THSD7B: variants seen among roughly 807,000 people sequenced by gnomAD.
THSD7B encodes the protein thrombospondin type-1 domain-containing protein 7B.
In THSD7B, 138 loss-of-function variants were observed where a neutral mutation model predicts 213.6. The ratio of observed to expected loss-of-function variants is 0.65; its 90% confidence interval spans 0.56 to 0.74. The LOEUF (loss-of-function observed/expected upper bound fraction) is 0.74, where lower values mean the gene tolerates loss of function less well. THSD7B is among the 30% of genes least tolerant of loss of function. The pLI is 0.00. For missense variants in THSD7B, 1,931 were observed against 1,991.5 expected (o/e 0.97, Z 0.58); for synonymous variants, 742 against 687.0 (o/e 1.08, Z -1.25).
chr2:137,316,734 G>A (rs1684115772), intron 12 of THSD7B, among the ~76,000 whole-genome samples: 1 of 148,552 alleles, frequency 6.7e-6, no homozygotes, highest in African/African-American at 2.5e-5. Flanking sequence ...CTCCAGCCTG[G>A]GCGACAGAGC....
At chr2:137,261,242 G>A (rs1211055857) in intron 10 of THSD7B, among the ~76,000 whole-genome samples, 1 of 144,066 alleles carries the variant, frequency 6.9e-6, no homozygotes, top group African/African-American at 2.5e-5. Context: ...GGGATGCTTA[G>A]GTGAGAGTGG....
At chr2:136,882,052 A>G (rs1394164086) in intron 1 of THSD7B, 92 bp from the exon 2 acceptor site, 3 of 1,045,598 alleles carry the variant, frequency 2.9e-6, no homozygotes, top group Admixed American at 3.9e-5. Context: ...AAAACTTGCA[A>G]TACCATCATA....
intron 12 of THSD7B, among the ~76,000 whole-genome samples, chr2:137,387,904 C>T (rs1377516812): frequency 6.6e-6 from 1 of 152,190 alleles, no homozygotes; most frequent in Non-Finnish European, 1.5e-5. Context: ...CTACTGTTAT[C>T]TCTCTACCTG....
chr2:137,675,439 T>C lies in THSD7B; in HGVS notation c.4740-1085T>C, dbSNP rs1683678066. On this transcript the variant is annotated intron_variant, in intron 27 of 27. Coordinates refer to ENST00000409968, the MANE Select transcript of THSD7B (RefSeq NM_001316349.2). Reference sequence around the variant, plus strand: ...ATATATATATATATATATATATATATATATATATGCGGACAGTGTGGTGAA... The same window carrying C: ...ATATATATATATATATATATATATACATATATATGCGGACAGTGTGGTGAA... Among the ~76,000 whole-genome samples, 5 of 85,638 alleles carry C rather than the reference T, an allele frequency of 5.8e-5. No homozygotes were observed. In the Admixed American group the frequency reaches 6.6e-4, roughly 11 times the overall value. 56.2% of individuals were successfully genotyped at this position (85,638 alleles called of 152,430 possible). A position where few individuals can be genotyped will look rare whatever the true frequency, so the allele number is the denominator to read the frequency against.
intron 8 of THSD7B, among the ~76,000 whole-genome samples, chr2:137,231,736 G>C (rs950423609): frequency 6.6e-6 from 1 of 152,194 alleles, no homozygotes; most frequent in Non-Finnish European, 1.5e-5. Context: ...CATCATGGAG[G>C]CTGTGAAAAT....
rs144576495 is a variant in THSD7B at position 136,778,615 on chromosome 2, C to T, written c.-36+12928C>T. ...CATCTTTTAAAAACTCCTCTGTTAC[C>T]GATCTAATAATTGCTGCTGGGGTTT... On this transcript the variant is annotated intron_variant, in intron 1 of 27. Transcript: ENST00000409968. Among the ~76,000 whole-genome samples the T allele has an allele frequency of 3.3e-5, 5 of 152,216 alleles. No homozygotes were observed. In the East Asian group the frequency reaches 5.8e-4, roughly 18 times the overall value.
At chr2:137,472,072 G>A (rs1159391447) in intron 15 of THSD7B, among the ~76,000 whole-genome samples, 2 of 152,152 alleles carry the variant, frequency 1.3e-5, no homozygotes, top group East Asian at 3.9e-4. Flanking sequence ...TGCAGGTGTT[G>A]GAGTTTAAGG....
chr2:137,071,500 T>C (rs567590388), intron 3 of THSD7B, among the ~76,000 whole-genome samples: 27 of 152,348 alleles, frequency 1.8e-4, no homozygotes, highest in Admixed American at 1.2e-3. Flanking sequence ...TCTCCCATTT[T>C]GTAGGTTGCC....
At chr2:136,865,476 A>G (rs754644230) in intron 1 of THSD7B, among the ~76,000 whole-genome samples, 225 of 152,338 alleles carry the variant, frequency 1.5e-3, no homozygotes, top group Non-Finnish European at 2.6e-3. Flanking sequence ...GAAATATTCA[A>G]TTACTGCACA....
intron 17 of THSD7B, among the ~76,000 whole-genome samples, chr2:137,605,527 G>A (rs974538291): frequency 2.6e-5 from 4 of 151,868 alleles, no homozygotes; most frequent in African/African-American, 9.7e-5. Context: ...AGAGACCTTG[G>A]CCCCAAGGAA....
chr2:136,991,754 C>T (rs1685789098), intron 2 of THSD7B, among the ~76,000 whole-genome samples: 1 of 152,168 alleles, frequency 6.6e-6, no homozygotes. Flanking sequence ...ATTCTTTCAT[C>T]CCATTAATTT....
At chr2:136,888,819 C>T (rs1420469021) in intron 2 of THSD7B, among the ~76,000 whole-genome samples, 1 of 152,032 alleles carries the variant, frequency 6.6e-6, no homozygotes, top group Non-Finnish European at 1.5e-5. Context: ...GAGGACAGGG[C>T]ATTTTGCTGG....
chr2:136,936,014 AAT>A, intron 2 of THSD7B, among the ~76,000 whole-genome samples: 1 of 148,900 alleles, frequency 6.7e-6, no homozygotes, highest in Non-Finnish European at 1.5e-5. Flanking sequence ...TATTTCTAGA[AAT>A]ATATATATAG....
intron 24 of THSD7B, among the ~76,000 whole-genome samples, chr2:137,659,423 C>G (rs11899190): frequency 0.017 from 2,588 of 152,274 alleles, 70 homozygotes; most frequent in African/African-American, 0.059. Context: ...GATAGAATCA[C>G]ATCGCCAATA....
At chr2:136,787,285 T>C (rs922763374) in intron 1 of THSD7B, among the ~76,000 whole-genome samples, 4 of 152,184 alleles carry the variant, frequency 2.6e-5, no homozygotes, top group African/African-American at 7.2e-5. Context: ...TCTTTATATC[T>C]GTATAGTATA....
intron 15 of THSD7B, among the ~76,000 whole-genome samples, chr2:137,475,276 A>G (rs1443508825): frequency 6.6e-6 from 1 of 152,202 alleles, no homozygotes; most frequent in East Asian, 1.9e-4. Flanking sequence ...ATGTGTAATA[A>G]TCAAGGCGGT....
chr2:137,180,898 G>A (rs1680440666), intron 7 of THSD7B, among the ~76,000 whole-genome samples: 1 of 152,118 alleles, frequency 6.6e-6, no homozygotes, highest in East Asian at 1.9e-4. Flanking sequence ...AGCATTAGAG[G>A]CAATTGTGCC....
At chr2:137,436,980 A>T (rs918378694) in intron 14 of THSD7B, among the ~76,000 whole-genome samples, 6 of 152,162 alleles carry the variant, frequency 3.9e-5, no homozygotes, top group African/African-American at 1.4e-4. Flanking sequence ...ACACCTAGGT[A>T]TAGGTTAGTT....
intron 12 of THSD7B, among the ~76,000 whole-genome samples, chr2:137,331,764 G>C (rs1684514501): frequency 1.3e-5 from 2 of 152,222 alleles, no homozygotes; most frequent in African/African-American, 2.4e-5. Context: ...AGGGAAGGCA[G>C]CTAAGGCTCG....
Sources: gnomAD v4.1 joint callset for allele counts (sites outside exome capture counted in the v4.1 genomes callset) on GRCh38, gnomAD v4.1.1 for gene constraint, MANE v1.5 for transcripts, NCBI Gene and HGNC (gene_info 2026-07-23, HGNC 2026-07-21) for gene names.